PRKCQ: variants seen among roughly 807,000 people sequenced by gnomAD.
PRKCQ encodes protein kinase C theta type.
In PRKCQ, 41 loss-of-function variants were observed where a neutral mutation model predicts 91.2. The observed-to-expected ratio is 0.45, with a 90% CI of 0.35 to 0.58. PRKCQ has a LOEUF of 0.58. Among genes scored for constraint, PRKCQ ranks in the 20% least tolerant of loss-of-function variants. The pLI is 0.00. For synonymous variants in PRKCQ, 307 were observed against 316.9 expected (o/e 0.97, Z 0.33); for missense variants, 673 against 896.5 (o/e 0.75, Z 3.18).
Position 6,430,752 on chromosome 10 carries a change from A to T in PRKCQ, c.1965+58T>A, listed in dbSNP as rs756194328. ...CAGCTGCGGTGACTTGGACAGGCAGACGGCCCTGAGCGGAGGGAGAGTGGC... is the reference window on the plus strand; with the variant it reads ...CAGCTGCGGTGACTTGGACAGGCAGTCGGCCCTGAGCGGAGGGAGAGTGGC... On this transcript the variant is annotated intron_variant, in intron 17 of 17. Transcript: ENST00000263125. The surrounding 1 kb of genome is among the most constrained non-coding windows in gnomAD (Gnocchi z 4.7). 5.2e-4 allele frequency: 822 copies of T among 1,582,984 alleles called. 1 individual carries two copies. The highest frequency in any genetic ancestry group is 2.9e-4 in the Non-Finnish European group (337 of 1,162,866).
Position 6,562,312 on chromosome 10 carries a change from C to T in PRKCQ, c.-10+17899G>A, listed in dbSNP as rs113925580. ...TTTTCCCTGAAAAGACAACAACTTC[C>T]GGAGTTCCATGCGGTTTTTCAGCCT... On this transcript the variant is annotated intron_variant, in intron 1 of 17. Transcript: ENST00000263125. Among the ~76,000 whole-genome samples the T allele has an allele frequency of 2.2e-3, 334 of 152,294 alleles. 1 individual carries two copies. The highest frequency in any genetic ancestry group is 2.8e-3 in the Non-Finnish European group (189 of 68,020).
chr10:6,406,818 T>G, the PRKCQ span, among the ~76,000 whole-genome samples: 2,313 of 152,294 alleles, frequency 0.015, 42 homozygotes, highest in Middle Eastern at 0.048. Context: ...TCAGCCACTT[T>G]TAAACGATAC....
the PRKCQ span, among the ~76,000 whole-genome samples, chr10:6,404,447 TTTCCTTTCTTCC>T: frequency 1.3e-5 from 2 of 150,872 alleles, no homozygotes; most frequent in Non-Finnish European, 3.0e-5. Flanking sequence ...TTTCTTTCTC[TTTCCTTTCTTCC>T]TTCCTTTTTT....
chr10:6,503,098 G>A (rs1838007273), intron 4 of PRKCQ, among the ~76,000 whole-genome samples: 1 of 152,192 alleles, frequency 6.6e-6, no homozygotes, highest in Non-Finnish European at 1.5e-5. Flanking sequence ...CATGGCAAAG[G>A]GGAACTAATG....
chr10:6,409,542 G>A, the PRKCQ span, among the ~76,000 whole-genome samples: 7,686 of 152,164 alleles, frequency 0.051, 314 homozygotes, highest in South Asian at 0.14. Context: ...TGCTCCGCCC[G>A]CCTCGGCCTC....
chr10:6,515,573 A>G (rs1175247116), intron 1 of PRKCQ: 59 of 928,064 alleles, frequency 6.4e-5, no homozygotes, highest in Non-Finnish European at 7.5e-5. Flanking sequence ...CTAGTTAAAT[A>G]TGACACCGCA....
At chr10:6,445,017 G>A (rs113861083) in intron 15 of PRKCQ, among the ~76,000 whole-genome samples, 30,111 of 150,866 alleles carry the variant, frequency 0.2, 3,822 homozygotes, top group Non-Finnish European at 0.27. Flanking sequence ...CCAGCTACTC[G>A]GGAGGCTGAG....
chr10:6,466,795 AAG>A (rs1835679149), intron 12 of PRKCQ, among the ~76,000 whole-genome samples: 1 of 152,200 alleles, frequency 6.6e-6, no homozygotes, highest in Non-Finnish European at 1.5e-5. Flanking sequence ...CGCAAGCAAA[AAG>A]AAGTGTCTGC....
chr10:6,550,098 T>G (rs999033458), intron 1 of PRKCQ, among the ~76,000 whole-genome samples: 18 of 152,290 alleles, frequency 1.2e-4, no homozygotes, highest in African/African-American at 4.3e-4. Context: ...GCAATCTCCG[T>G]TCTACTTCCC....
chr10:6,498,543 T>G lies in PRKCQ; in HGVS notation c.395A>C (p.Asn132Thr), dbSNP rs1182289922. Residue 132 changes from asparagine (N) to threonine (T), a missense_variant, in exon 5 of 18, where the codon AAT becomes ACT. Transcript: ENST00000263125. Reference protein sequence around the residue: ...FLEMSDTKDMNEFETEGFFAL... With the variant: ...FLEMSDTKDMTEFETEGFFAL... ...AAAGAAGCCTTCCGTCTCAAATTCA[T>G]TCATGTCCTTTGTGTCTACAGGAAG... 2 of 1,614,032 alleles carry G rather than the reference T, an allele frequency of 1.2e-6. No homozygotes were observed. The highest frequency in any genetic ancestry group is 1.7e-6 in the Non-Finnish European group (2 of 1,179,972).
At chr10:6,521,784 T>G (rs1471157234) in intron 1 of PRKCQ, among the ~76,000 whole-genome samples, 1 of 152,178 alleles carries the variant, frequency 6.6e-6, no homozygotes, top group African/African-American at 2.4e-5. Flanking sequence ...TACCCTCTGA[T>G]GTCCTCATCT....
chr10:6,448,295 G>A (rs946892001), intron 15 of PRKCQ, among the ~76,000 whole-genome samples: 2 of 152,238 alleles, frequency 1.3e-5, no homozygotes, highest in African/African-American at 4.8e-5. Flanking sequence ...AACAGCAGGT[G>A]ATTCCTAAAG....
At chr10:6,464,488 C>T in intron 12 of PRKCQ, 84 bp from the exon 13 acceptor site, 3 of 1,227,980 alleles carry the variant, frequency 2.4e-6, no homozygotes, top group Non-Finnish European at 3.5e-6. Context: ...CTCACTCTGT[C>T]TCCCAGGCTG....
intron 1 of PRKCQ, among the ~76,000 whole-genome samples, chr10:6,530,794 G>C (rs1839365109): frequency 1.3e-5 from 2 of 152,194 alleles, no homozygotes; most frequent in Admixed American, 1.3e-4. Context: ...GTAATACTTA[G>C]GTTCCTAGGC....
At chr10:6,519,378 C>T (rs562553935) in intron 1 of PRKCQ, among the ~76,000 whole-genome samples, 4 of 152,156 alleles carry the variant, frequency 2.6e-5, no homozygotes, top group African/African-American at 7.2e-5. Flanking sequence ...AAGATGGATT[C>T]TAAGGTTAAA....
intron 14 of PRKCQ, among the ~76,000 whole-genome samples, chr10:6,459,703 C>G (rs1835216698): frequency 6.6e-6 from 1 of 152,152 alleles, no homozygotes; most frequent in South Asian, 2.1e-4. Context: ...AAGACAGAGG[C>G]AGAGACTGGG....
chr10:6,422,556 A>G (rs1833030256), downstream of PRKCQ, among the ~76,000 whole-genome samples: 1 of 152,122 alleles, frequency 6.6e-6, no homozygotes, highest in Non-Finnish European at 1.5e-5. Context: ...TCCAAACCTC[A>G]GTGTCCTTGT....
the PRKCQ span, among the ~76,000 whole-genome samples, chr10:6,418,808 A>G: frequency 6.6e-6 from 1 of 152,104 alleles, no homozygotes; most frequent in East Asian, 1.9e-4. Context: ...CTACCTACCT[A>G]CCTATCAATC....
intron 15 of PRKCQ, among the ~76,000 whole-genome samples, chr10:6,451,981 GC>G (rs1217322157): frequency 6.6e-6 from 1 of 152,122 alleles, no homozygotes; most frequent in Admixed American, 6.5e-5. Context: ...TACGGAATGG[GC>G]AAAAACTGGA....
Sources: allele counts gnomAD v4.1 joint callset (sites outside exome capture counted in the v4.1 genomes callset), GRCh38; gene constraint gnomAD v4.1.1; non-coding constraint Gnocchi (gnomAD v3.1); transcripts MANE v1.5; gene names NCBI Gene and HGNC (gene_info 2026-07-23, HGNC 2026-07-21).